The following ADAMTS3 variants were observed in gnomAD, a reference collection of about 807,000 sequenced individuals.
ADAMTS3 encodes A disintegrin and metalloproteinase with thrombospondin motifs 3.
ADAMTS3 carries 73 observed loss-of-function variants against 129.0 expected under a neutral mutation model. The observed-to-expected ratio is 0.57, with a 90% CI of 0.47 to 0.69. The LOEUF is 0.69. Ranked by LOEUF, ADAMTS3 falls within the 30% of genes least tolerant of loss-of-function variation. ADAMTS3 has a pLI of 0.00. For synonymous variants in ADAMTS3, 477 were observed against 510.8 expected (o/e 0.93, Z 0.89); for missense variants, 1,457 against 1,514.5 (o/e 0.96, Z 0.63).
At chr4:72,474,752 C>T (rs913433179) in intron 3 of ADAMTS3, among the ~76,000 whole-genome samples, 5 of 152,110 alleles carry the variant, frequency 3.3e-5, no homozygotes, top group Admixed American at 1.3e-4. Flanking sequence ...CTAGGCCGGG[C>T]GCTGTGGCTC....
At chr4:72,549,016 T>C in intron 2 of ADAMTS3, 132 bp from the exon 3 acceptor site, 1 of 696,100 alleles carries the variant, frequency 1.4e-6, no homozygotes, top group Non-Finnish European at 2.2e-6. Context: ...CTGAATCAGC[T>C]CATAAATATT....
In ADAMTS3 at chr4:72,344,684, C is replaced by A. The variant is rs116632908; in HGVS notation, c.662-4991G>T. 6.3e-3 allele frequency among the ~76,000 whole-genome samples: 966 copies of A among 152,154 alleles called. 14 individuals carry two copies. The highest frequency in any genetic ancestry group is 0.022 in the African/African-American group (934 of 41,542). ...GACAATTCATTCCAGTAGGTGCACA[C>A]CCCTTTGGCCCTCCACTCAATCACC... is the stretch of plus-strand genomic sequence containing the variant. On this transcript the variant is annotated intron_variant, in intron 4 of 21. Coordinates refer to ENST00000286657, the MANE Select transcript of ADAMTS3 (RefSeq NM_014243.3).
At chr4:72,437,601 T>A (rs1165714446) in intron 3 of ADAMTS3, among the ~76,000 whole-genome samples, 1 of 151,768 alleles carries the variant, frequency 6.6e-6, no homozygotes, top group African/African-American at 2.4e-5. Flanking sequence ...GCGAGGGTTG[T>A]GTTGTCAACA....
intron 5 of ADAMTS3, among the ~76,000 whole-genome samples, chr4:72,325,983 T>C (rs1321558787): frequency 6.6e-6 from 1 of 152,112 alleles, no homozygotes; most frequent in African/African-American, 2.4e-5. Flanking sequence ...CAATAGCAAA[T>C]AGGATATTAT....
chr4:72,416,172 A>AATATAAATATACATATACATATATGT (rs1553913383), intron 3 of ADAMTS3, among the ~76,000 whole-genome samples: 1 of 146,084 alleles, frequency 6.8e-6, no homozygotes, highest in Non-Finnish European at 1.5e-5. Flanking sequence ...AGCAAATATA[A>AATATAAATATACATATACATATATGT]ATATAAATAT....
intron 3 of ADAMTS3, among the ~76,000 whole-genome samples, chr4:72,459,881 C>T (rs1450859024): frequency 6.6e-6 from 1 of 151,452 alleles, no homozygotes; most frequent in African/African-American, 2.4e-5. Context: ...TCATATATAT[C>T]TTATACACAT....
chr4:72,513,894 T>C (rs945353055), intron 3 of ADAMTS3, among the ~76,000 whole-genome samples: 10 of 152,156 alleles, frequency 6.6e-5, no homozygotes, highest in African/African-American at 2.4e-4. Flanking sequence ...AACATGTGTA[T>C]CCATTGTTTA....
rs548265690 is a variant in ADAMTS3, at chr4:72,400,373, G to T, written c.661+14442C>A. On this transcript the variant is annotated intron_variant, in intron 4 of 21. Transcript: ENST00000286657. ...TATACGTGTGCATAGATATGCACAC[G>T]GTGTGTATATATACGTGTGCATAGA... is the stretch of plus-strand genomic sequence containing the variant. 1.7e-4 allele frequency among the ~76,000 whole-genome samples: 23 copies of T among 137,502 alleles called. 10 individuals carry two copies. Among genetic ancestry groups the T allele is most frequent in the Non-Finnish European group, 2.7e-4 (17 of 62,528 alleles). The allele number at this position is 137,502 out of a possible 152,430, so 90.2% of individuals were successfully genotyped here. A position where few individuals can be genotyped will look rare whatever the true frequency, so the allele number is the denominator to read the frequency against.
chr4:72,337,534 T>A (rs1720022394), intron 5 of ADAMTS3, among the ~76,000 whole-genome samples: 1 of 152,188 alleles, frequency 6.6e-6, no homozygotes, highest in African/African-American at 2.4e-5. Flanking sequence ...ATTACATAAC[T>A]AATAAACTTG....
chr4:72,520,130 G>T (rs951359474), intron 3 of ADAMTS3, among the ~76,000 whole-genome samples: 1 of 152,238 alleles, frequency 6.6e-6, no homozygotes, highest in African/African-American at 2.4e-5. Context: ...CTGGGTATCA[G>T]CAGCGGTGGC....
intron 5 of ADAMTS3, among the ~76,000 whole-genome samples, chr4:72,338,563 C>T (rs1720047042): frequency 6.6e-6 from 1 of 151,666 alleles, no homozygotes; most frequent in Non-Finnish European, 1.5e-5. Context: ...CCTTCACTAT[C>T]ATTGCTTGAA....
chr4:72,337,007 T>C (rs943870333), intron 5 of ADAMTS3, among the ~76,000 whole-genome samples: 11 of 152,180 alleles, frequency 7.2e-5, no homozygotes, highest in African/African-American at 2.7e-4. Flanking sequence ...TGCAATTGTA[T>C]GTGCAATTCA....
intron 3 of ADAMTS3, among the ~76,000 whole-genome samples, chr4:72,473,285 A>T (rs1312820137): frequency 6.6e-6 from 1 of 152,090 alleles, no homozygotes; most frequent in African/African-American, 2.4e-5. Context: ...AAGAAGGCAG[A>T]CTAGCTAAAG....
intron 18 of ADAMTS3, among the ~76,000 whole-genome samples, chr4:72,297,884 T>A (rs973215563): frequency 1.4e-4 from 22 of 152,104 alleles, no homozygotes; most frequent in African/African-American, 5.3e-4. Flanking sequence ...ATGTAACCAA[T>A]AGCTCTTTTG....
Position 72,550,060 on chromosome 4 carries a change from AGAG to A in ADAMTS3, c.98-1179_98-1177del, listed in dbSNP as rs1484598024. ...AAGAAGAAGAGGAAGAGGAAGAGGA[AGAG>A]GAAGAGGAAGAGGAAGAGGAAGAAG... On this transcript the variant is annotated intron_variant, in intron 2 of 21. Coordinates refer to ENST00000286657, the MANE Select transcript of ADAMTS3 (RefSeq NM_014243.3). Among the ~76,000 whole-genome samples the A allele has an allele frequency of 7.2e-4, 12 of 16,652 alleles. 2 individuals are homozygous for A. Among genetic ancestry groups the A allele is most frequent in the African/African-American group, 2.3e-3 (11 of 4,778 alleles). The allele number at this position is 16,652 out of a possible 152,430, so 10.9% of individuals were successfully genotyped here.
chr4:72,330,369 G>A (rs1719814280), intron 5 of ADAMTS3: 1 of 152,116 alleles, frequency 6.6e-6, no homozygotes, highest in Non-Finnish European at 1.5e-5. Flanking sequence ...TCATGTGTGA[G>A]GGCCATCTGT....
rs1213832987 is a variant in ADAMTS3, at chr4:72,298,333, T to C, written c.2534A>G (p.Asp845Gly). 3 of 1,613,268 alleles carry C rather than the reference T, an allele frequency of 1.9e-6. No individual in the cohort carries two copies. Among genetic ancestry groups the C allele is most frequent in the East Asian group, 2.2e-5 (1 of 44,812 alleles). Residue 845 changes from aspartate (D) to glycine (G), a missense_variant, in exon 18 of 22, where the codon GAT becomes GGT. Transcript: ENST00000286657. ...NSNNVIQEEL[D>G]TFEWALKSWS... ...GCTCTTCAAAGCCCACTCAAAAGTA[T>C]CTAATTCTTCCTGGATGACATTGTT... is the stretch of plus-strand genomic sequence containing the variant.
chr4:72,466,337 T>C (rs192789317), intron 3 of ADAMTS3, among the ~76,000 whole-genome samples: 1 of 152,124 alleles, frequency 6.6e-6, no homozygotes, highest in Non-Finnish European at 1.5e-5. Context: ...GGTAATGAGT[T>C]TGGATTGTAT....
intron 3 of ADAMTS3, among the ~76,000 whole-genome samples, chr4:72,440,513 T>C (rs965588395): frequency 2.0e-5 from 3 of 151,960 alleles, no homozygotes; most frequent in South Asian, 2.1e-4. Flanking sequence ...CATATGATGT[T>C]CACTCAGCCC....
Sources: gnomAD v4.1 joint callset for allele counts (sites outside exome capture counted in the v4.1 genomes callset) on GRCh38, gnomAD v4.1.1 for gene constraint, MANE v1.5 for transcripts, NCBI Gene and HGNC (gene_info 2026-07-23, HGNC 2026-07-21) for gene names.